KAZN: variants seen among roughly 807,000 people sequenced by gnomAD.
KAZN encodes kazrin, periplakin interacting protein, also known as kazrin.
KAZN carries 40 observed loss-of-function variants against 87.4 expected under a neutral mutation model. The ratio of observed to expected loss-of-function variants is 0.46; its 90% CI spans 0.36 to 0.60. The LOEUF is 0.60. KAZN is among the 20% of genes least tolerant of loss of function. The pLI is 0.00. For synonymous variants in KAZN, 466 were observed against 458.3 expected (o/e 1.02, Z -0.22); for missense variants, 898 against 1,073.9 (o/e 0.84, Z 2.29).
At chr1:14,190,196 A>G (rs1234932583) in intron 2 of KAZN, among the ~76,000 whole-genome samples, 2 of 152,178 alleles carry the variant, frequency 1.3e-5, no homozygotes, top group African/African-American at 2.4e-5. Context: ...TGTTCAACAA[A>G]TACTTCCTGA....
chr1:14,075,470 A>C (rs901605091), intron 1 of KAZN, among the ~76,000 whole-genome samples: 1 of 152,218 alleles, frequency 6.6e-6, no homozygotes, highest in Non-Finnish European at 1.5e-5. Flanking sequence ...GCAAAAAATA[A>C]AACAGCAGAA....
rs189919289 is a variant in KAZN at position 14,647,129 on chromosome 1, A to G, written c.226+47906A>G. 3.1e-3 allele frequency among the ~76,000 whole-genome samples: 467 copies of G among 152,348 alleles called. 2 individuals carry two copies. The highest frequency in any genetic ancestry group is 0.01 in the African/African-American group (416 of 41,566). ...GGGTATTTCCCTTGGCTCATTTTAGAGCTCAGAAAAGCCATTCCACTATTT... is the reference window on the plus strand; with the variant it reads ...GGGTATTTCCCTTGGCTCATTTTAGGGCTCAGAAAAGCCATTCCACTATTT... On this transcript the variant is annotated intron_variant, in intron 1 of 14. Coordinates refer to ENST00000376030, the MANE Select transcript of KAZN (RefSeq NM_201628.3).
chr1:15,100,807 C>T (rs572203474), intron 10 of KAZN, among the ~76,000 whole-genome samples: 57 of 152,344 alleles, frequency 3.7e-4, no homozygotes, highest in Admixed American at 9.8e-4. Flanking sequence ...AGAGCGAGGA[C>T]GGCAGCTTTG....
chr1:14,731,073 C>T (rs191804132), intron 1 of KAZN, among the ~76,000 whole-genome samples: 43 of 152,302 alleles, frequency 2.8e-4, no homozygotes, highest in Non-Finnish European at 5.1e-4. Context: ...TATTTCTTAA[C>T]AATTTCACTT....
intron 2 of KAZN, among the ~76,000 whole-genome samples, chr1:14,423,395 T>C (rs1665540621): frequency 6.6e-6 from 1 of 152,242 alleles, no homozygotes; most frequent in Non-Finnish European, 1.5e-5. Context: ...TTATACTTTT[T>C]ATTGTGTTTT....
chr1:13,900,113 G>T (rs2744645), intron 1 of KAZN, among the ~76,000 whole-genome samples: 26,752 of 152,042 alleles, frequency 0.18, 2,991 homozygotes, highest in Admixed American at 0.35. Context: ...TTGCGGTTAT[G>T]TTCATTCTCT....
chr1:14,077,003 C>G (rs917729509), intron 1 of KAZN, among the ~76,000 whole-genome samples: 1 of 152,158 alleles, frequency 6.6e-6, no homozygotes, highest in Non-Finnish European at 1.5e-5. Context: ...ACGTCTAGGA[C>G]TCCAGCCTTT....
At chr1:14,709,901 G>C (rs903918940) in intron 1 of KAZN, among the ~76,000 whole-genome samples, 1 of 152,138 alleles carries the variant, frequency 6.6e-6, no homozygotes, top group Non-Finnish European at 1.5e-5. Flanking sequence ...GCCCAGAGAG[G>C]TTAAGATACT....
chr1:14,667,289 C>T (rs754137388), intron 1 of KAZN, among the ~76,000 whole-genome samples: 2 of 152,164 alleles, frequency 1.3e-5, no homozygotes, highest in South Asian at 2.1e-4. Context: ...ATCCTCAGAG[C>T]ACATGGTTTT....
At chr1:14,841,297 C>T (rs1352987954) in intron 1 of KAZN, among the ~76,000 whole-genome samples, 1 of 150,694 alleles carries the variant, frequency 6.6e-6, no homozygotes, top group Non-Finnish European at 1.5e-5. Flanking sequence ...CCCAGCTACT[C>T]GGAGAGGCTG....
chr1:13,951,493 C>A (rs1641341921), intron 1 of KAZN, among the ~76,000 whole-genome samples: 1 of 152,036 alleles, frequency 6.6e-6, no homozygotes, highest in Admixed American at 6.6e-5. Flanking sequence ...TACTAATGTC[C>A]CCTTTATTCT....
intron 1 of KAZN, among the ~76,000 whole-genome samples, chr1:14,774,460 T>G (rs1006587296): frequency 6.7e-6 from 1 of 149,614 alleles, no homozygotes; most frequent in Non-Finnish European, 1.5e-5. Context: ...TTCTTGGTTC[T>G]TGAACAGATT....
intron 1 of KAZN, among the ~76,000 whole-genome samples, chr1:14,849,990 A>G (rs1429939624): frequency 1.3e-5 from 2 of 150,258 alleles, no homozygotes; most frequent in Non-Finnish European, 3.0e-5. Context: ...GCTGGAGTAC[A>G]GTGGTGTGAT....
At chr1:14,429,273 A>G (rs996220494) in intron 2 of KAZN, among the ~76,000 whole-genome samples, 4 of 152,188 alleles carry the variant, frequency 2.6e-5, no homozygotes, top group Non-Finnish European at 5.9e-5. Context: ...TGGGTCTCCA[A>G]ACTTTTCTCA....
chr1:14,407,341 T>G (rs1663940118), intron 2 of KAZN, among the ~76,000 whole-genome samples: 1 of 152,232 alleles, frequency 6.6e-6, no homozygotes, highest in South Asian at 2.1e-4. Context: ...GTGCTCAGTT[T>G]GTTGAATGAG....
At chr1:14,405,097 G>A (rs1663722968) in intron 2 of KAZN, among the ~76,000 whole-genome samples, 1 of 152,186 alleles carries the variant, frequency 6.6e-6, no homozygotes, top group African/African-American at 2.4e-5. Flanking sequence ...CCCACCTCCT[G>A]AATACATATA....
intron 2 of KAZN, among the ~76,000 whole-genome samples, chr1:14,396,073 C>G (rs1177056502): frequency 1.3e-5 from 2 of 148,368 alleles, no homozygotes; most frequent in African/African-American, 2.5e-5. Flanking sequence ...GAGGCTGAGG[C>G]AAGAGAATCG....
intron 1 of KAZN, among the ~76,000 whole-genome samples, chr1:13,961,154 G>A (rs12043481): frequency 5.9e-5 from 9 of 151,918 alleles, no homozygotes; most frequent in African/African-American, 2.2e-4. Context: ...AACTTATAAT[G>A]TAGTGTAATG....
At chr1:14,994,466 T>A (rs1667680502) in intron 2 of KAZN, among the ~76,000 whole-genome samples, 1 of 152,242 alleles carries the variant, frequency 6.6e-6, no homozygotes, top group Non-Finnish European at 1.5e-5. Flanking sequence ...TCCTAGAGGT[T>A]TGTGTACCCA....
Sources: gnomAD v4.1 joint callset for allele counts (sites outside exome capture counted in the v4.1 genomes callset) on GRCh38, gnomAD v4.1.1 for gene constraint, MANE v1.5 for transcripts, NCBI Gene and HGNC (gene_info 2026-07-23, HGNC 2026-07-21) for gene names.